DERA: variants seen among roughly 807,000 people sequenced by gnomAD.
DERA encodes the protein 2-deoxy-D-ribose 5-phosphate aldolase.
Under a neutral mutation model 41.1 loss-of-function variants are expected in DERA, and 15 were observed. The ratio of observed to expected loss-of-function variants is 0.37; its 90% CI spans 0.24 to 0.56. The LOEUF (loss-of-function observed/expected upper bound fraction) is 0.56, where lower values mean the gene tolerates loss of function less well. Among genes scored for constraint, DERA ranks in the 20% least tolerant of loss-of-function variants. DERA has a pLI of 0.81. For synonymous variants in DERA, 139 were observed against 137.4 expected (o/e 1.01, Z -0.08); for missense variants, 396 against 403.4 (o/e 0.98, Z 0.16).
At chr12:15,934,979 G>T (rs1179742072) in intron 1 of DERA, among the ~76,000 whole-genome samples, 2 of 152,164 alleles carry the variant, frequency 1.3e-5, no homozygotes, top group South Asian at 2.1e-4. Context: ...TAAAGCTGCT[G>T]TTCCTCCCAG....
At chr12:16,032,933 A>G in intron 7 of DERA, 1 of 325,822 alleles carries the variant, frequency 3.1e-6, no homozygotes, top group Non-Finnish European at 5.6e-6. Context: ...GTCACTGACA[A>G]GAGATTCCTA....
rs1948731378 is a variant in DERA at position 15,981,331 on chromosome 12, G to A, written c.509-977G>A. Among the ~76,000 whole-genome samples the A allele has an allele frequency of 6.6e-6, 1 of 152,126 alleles. No homozygotes were observed. Among genetic ancestry groups the A allele is most frequent in the Non-Finnish European group, 1.5e-5 (1 of 68,014 alleles). On this transcript the variant is annotated intron_variant, in intron 5 of 8. Coordinates refer to ENST00000428559, the MANE Select transcript of DERA (RefSeq NM_015954.4). The surrounding 1 kb of genome is among the most constrained non-coding windows in gnomAD (Gnocchi z 6.1). ...CCACTGCACTCCAGCCTGGGTGACAGAGCAAGACTCCATCTCAAAAACCAA... is the reference window on the plus strand; with the variant it reads ...CCACTGCACTCCAGCCTGGGTGACAAAGCAAGACTCCATCTCAAAAACCAA...
rs1809802010 is a variant in DERA at position 16,017,923 on chromosome 12, A to G, written c.638-14619A>G. Among the ~76,000 whole-genome samples the G allele has an allele frequency of 6.6e-6, 1 of 152,208 alleles. No homozygotes were observed. The highest frequency in any genetic ancestry group is 2.4e-5 in the African/African-American group (1 of 41,460). On this transcript the variant is annotated intron_variant, in intron 6 of 8. Coordinates refer to ENST00000428559, the MANE Select transcript of DERA (RefSeq NM_015954.4). This position sits in a 1 kb window ranked among gnomAD's most constrained non-coding sequence, Gnocchi z 5.5. ...CAGTTGATTTGAAATCCTACTTTTC[A>G]TTAGTGAAGTATAAAATGTTAATAA... is the stretch of plus-strand genomic sequence containing the variant.
At position 15,998,637 on chromosome 12, in the gene DERA, C is replaced by G. The variant is rs1442192409; in HGVS notation, c.637+16201C>G. Among the ~76,000 whole-genome samples, 1 of 152,146 alleles carries G rather than the reference C, an allele frequency of 6.6e-6. No individual in the cohort carries two copies. The highest frequency in any genetic ancestry group is 2.1e-4 in the South Asian group (1 of 4,834). On this transcript the variant is annotated intron_variant, in intron 6 of 8. Transcript: ENST00000428559. This position sits in a 1 kb window ranked among gnomAD's most constrained non-coding sequence, Gnocchi z 4.8. ...TGGCCTAACACAGGAAGTCTTTCAA[C>G]TCACATTTGTAGTTCAGAGATGGCT...
In DERA at chr12:16,014,293, C is replaced by G. The variant is rs1948966169; in HGVS notation, c.638-18249C>G. Among the ~76,000 whole-genome samples the G allele has an allele frequency of 6.6e-6, 1 of 152,194 alleles. No individual in the cohort carries two copies. The stretch of plus-strand genomic sequence containing the variant: ...GCATGTCAGAGATCTTCATGGCAGT[C>G]TCTCCCATCACAGGCCAGAGGTCTA... On this transcript the variant is annotated intron_variant, in intron 6 of 8. Coordinates refer to ENST00000428559, the MANE Select transcript of DERA (RefSeq NM_015954.4). This position sits in a 1 kb window ranked among gnomAD's most constrained non-coding sequence, Gnocchi z 5.4.
chr12:16,029,309 G>GCTACTCGGGAGGCTGAGGCAGGA (rs1949074471), intron 6 of DERA, among the ~76,000 whole-genome samples: 1 of 151,920 alleles, frequency 6.6e-6, no homozygotes, highest in Admixed American at 6.5e-5. Context: ...TGTAGTCCCA[G>GCTACTCGGGAGGCTGAGGCAGGA]CTACTCGGGA....
intron 5 of DERA, among the ~76,000 whole-genome samples, chr12:15,980,064 C>A (rs543095425): frequency 1.3e-5 from 2 of 152,252 alleles, no homozygotes; most frequent in East Asian, 3.9e-4. Flanking sequence ...TGGGTCAGGC[C>A]ATGAAATAAG....
intron 5 of DERA, among the ~76,000 whole-genome samples, chr12:15,980,602 G>A (rs993784593): frequency 5.9e-5 from 9 of 151,918 alleles, no homozygotes; most frequent in Admixed American, 5.9e-4. Flanking sequence ...TCATATTGGA[G>A]GCATAAGTAG....
chr12:16,004,145 G>A lies in DERA; in HGVS notation c.637+21709G>A, dbSNP rs1565611523. Among the ~76,000 whole-genome samples, 1 of 152,154 alleles carries A rather than the reference G, an allele frequency of 6.6e-6. No individual in the cohort carries two copies. Among genetic ancestry groups the A allele is most frequent in the East Asian group, 1.9e-4 (1 of 5,198 alleles). On this transcript the variant is annotated intron_variant, in intron 6 of 8. Transcript: ENST00000428559. The surrounding 1 kb of genome is among the most constrained non-coding windows in gnomAD (Gnocchi z 4.2). ...GCAATCTATTTCTAGGTTGGAGAATGGCATTACTAAACTGCTCAATTTAAT... is the reference window on the plus strand; with the variant it reads ...GCAATCTATTTCTAGGTTGGAGAATAGCATTACTAAACTGCTCAATTTAAT...
chr12:15,941,540 G>T lies in DERA; in HGVS notation c.32-15396G>T, dbSNP rs895053138. Among the ~76,000 whole-genome samples the T allele has an allele frequency of 1.3e-5, 2 of 151,946 alleles. No individual in the cohort carries two copies. The highest frequency in any genetic ancestry group is 2.4e-5 in the African/African-American group (1 of 41,358). On this transcript the variant is annotated intron_variant, in intron 1 of 8. Transcript: ENST00000428559. This position sits in a 1 kb window ranked among gnomAD's most constrained non-coding sequence, Gnocchi z 4.5. ...TCCTCACCCCTCCCTATTCTCTCCCGCTGAATCCTCAGAGTTCGCTATATC... is the reference window on the plus strand; with the variant it reads ...TCCTCACCCCTCCCTATTCTCTCCCTCTGAATCCTCAGAGTTCGCTATATC...
Position 15,976,769 on chromosome 12 carries a change from G to T in DERA, c.509-5539G>T, listed in dbSNP as rs940483759. 1.3e-5 allele frequency among the ~76,000 whole-genome samples: 2 copies of T among 152,150 alleles called. No homozygotes were observed. Among genetic ancestry groups the T allele is most frequent in the African/African-American group, 4.8e-5 (2 of 41,420 alleles). On this transcript the variant is annotated intron_variant, in intron 5 of 8. Coordinates refer to ENST00000428559, the MANE Select transcript of DERA (RefSeq NM_015954.4). The surrounding 1 kb of genome is among the most constrained non-coding windows in gnomAD (Gnocchi z 4.1). Reference sequence around the variant, plus strand: ...TATTGGCAGAATTTGAGAAGGGTTTGAGCTGTAAAAATAAAGCTCTCCTAT... The same window carrying T: ...TATTGGCAGAATTTGAGAAGGGTTTTAGCTGTAAAAATAAAGCTCTCCTAT...
Position 15,970,572 on chromosome 12 carries a change from T to A in DERA, c.508+7625T>A, listed in dbSNP as rs1223086147. ...ATAAGTGTTTTTAGCTTTTTGAGGG[T>A]TTTTAAATTTTCATTTCTTTTTTTA... On this transcript the variant is annotated intron_variant, in intron 5 of 8. Coordinates refer to ENST00000428559, the MANE Select transcript of DERA (RefSeq NM_015954.4). The surrounding 1 kb of genome is among the most constrained non-coding windows in gnomAD (Gnocchi z 4.3). Among the ~76,000 whole-genome samples, 1 of 152,090 alleles carries A rather than the reference T, an allele frequency of 6.6e-6. No individual in the cohort carries two copies. Among genetic ancestry groups the A allele is most frequent in the East Asian group, 1.9e-4 (1 of 5,196 alleles).
chr12:15,975,477 A>G (rs1461640802), intron 5 of DERA, among the ~76,000 whole-genome samples: 2 of 152,034 alleles, frequency 1.3e-5, no homozygotes, highest in Admixed American at 6.5e-5. Context: ...TAGCTGCATG[A>G]CTCTTAAGCC....
rs114567082 is a variant in DERA, at chr12:15,918,203, G to A, written c.31+6789G>A. Among the ~76,000 whole-genome samples the A allele has an allele frequency of 5.7e-3, 868 of 152,196 alleles. 8 individuals are homozygous for A. The highest frequency in any genetic ancestry group is 0.02 in the African/African-American group (821 of 41,528). On this transcript the variant is annotated intron_variant, in intron 1 of 8. Coordinates refer to ENST00000428559, the MANE Select transcript of DERA (RefSeq NM_015954.4). The surrounding 1 kb of genome is among the most constrained non-coding windows in gnomAD (Gnocchi z 4.3). ...CCTGTGAGTCTGCCTTCCTCATCCC[G>A]CTGGTGCTTGGTCCCCCACAGCAGG...
At chr12:15,964,959 T>G (rs996548955) in intron 5 of DERA, among the ~76,000 whole-genome samples, 2 of 152,226 alleles carry the variant, frequency 1.3e-5, no homozygotes, top group Non-Finnish European at 2.9e-5. Flanking sequence ...TACTTTTATA[T>G]TAACTCTTTT....
chr12:15,933,791 C>T (rs933348329), intron 1 of DERA, among the ~76,000 whole-genome samples: 8 of 152,112 alleles, frequency 5.3e-5, no homozygotes, highest in African/African-American at 9.7e-5. Context: ...GCAGGTCTGT[C>T]GGCTTGTTGA....
rs1225322594 is a variant in DERA, at chr12:15,976,357, C to T, written c.509-5951C>T. 6.6e-6 allele frequency among the ~76,000 whole-genome samples: 1 copy of T among 152,148 alleles called. No individual in the cohort carries two copies. The highest frequency in any genetic ancestry group is 2.4e-5 in the African/African-American group (1 of 41,440). On this transcript the variant is annotated intron_variant, in intron 5 of 8. Coordinates refer to ENST00000428559, the MANE Select transcript of DERA (RefSeq NM_015954.4). This position sits in a 1 kb window ranked among gnomAD's most constrained non-coding sequence, Gnocchi z 4.1. ...CCCAACCCCTAGAATTTTCAGTCCT[C>T]GCTGGTAAGGGTGACCTTCACTTTC...
intron 1 of DERA, among the ~76,000 whole-genome samples, chr12:15,916,666 G>A (rs1483170401): frequency 1.3e-5 from 2 of 152,036 alleles, no homozygotes; most frequent in Admixed American, 6.5e-5. Flanking sequence ...GGCCAGGCTG[G>A]TCTTGAACTC....
Position 15,982,165 on chromosome 12 carries a change from A to T in DERA, c.509-143A>T. 3 of 762,820 alleles carry T rather than the reference A, an allele frequency of 3.9e-6. No individual in the cohort carries two copies. The highest frequency in any genetic ancestry group is 6.2e-6 in the Non-Finnish European group (3 of 487,684). 47.3% of individuals were successfully genotyped at this position (762,820 alleles called of 1,614,324 possible). On this transcript the variant is annotated intron_variant, in intron 5 of 8. Transcript: ENST00000428559. The surrounding 1 kb of genome is among the most constrained non-coding windows in gnomAD (Gnocchi z 4.0). The stretch of plus-strand genomic sequence containing the variant: ...GAACTGCAACAGAATGCTCCAGGCA[A>T]TGTTAAATTGGGGTGATTTTTAGAA...
Sources: allele counts gnomAD v4.1 joint callset (sites outside exome capture counted in the v4.1 genomes callset), GRCh38; gene constraint gnomAD v4.1.1; non-coding constraint Gnocchi (gnomAD v3.1); transcripts MANE v1.5; gene names NCBI Gene and HGNC (gene_info 2026-07-23, HGNC 2026-07-21).